CDH23: variants seen among roughly 807,000 people sequenced by gnomAD.
CDH23 encodes cadherin-23.
A neutral mutation model predicts 317.1 loss-of-function variants in CDH23; 189 were observed. The observed-to-expected ratio is 0.60, with a 90% confidence interval of 0.53 to 0.67. The LOEUF is 0.67. CDH23 is among the 30% of genes least tolerant of loss of function. The probability of loss-of-function intolerance (pLI) is 0.00; values close to 1 mark genes in which losing one functional copy is unlikely to be tolerated. For synonymous variants in CDH23, 1,839 were observed against 1,876.8 expected (o/e 0.98, Z 0.52); for missense variants, 4,401 against 4,592.4 (o/e 0.96, Z 1.20).
chr10:71,679,321 G>T, intron 16 of CDH23, 66 bp from the exon 17 acceptor site: 14 of 763,674 alleles, frequency 1.8e-5, no homozygotes, highest in Non-Finnish European at 2.9e-5. Context: ...CCTCCCAGCT[G>T]CCCACCCTCT....
chr10:71,635,519 G>T (rs1862225719), intron 11 of CDH23, among the ~76,000 whole-genome samples: 1 of 152,172 alleles, frequency 6.6e-6, no homozygotes, highest in African/African-American at 2.4e-5. Context: ...TGAAGGCGAG[G>T]CAGCCTCGGA....
At chr10:71,634,280 A>C (rs1403936202) in intron 11 of CDH23, among the ~76,000 whole-genome samples, 4 of 152,246 alleles carry the variant, frequency 2.6e-5, no homozygotes, top group Non-Finnish European at 5.9e-5. Flanking sequence ...GGGGCAGGAC[A>C]GTCCTGGGCT....
rs56013867 is a variant in CDH23 at position 71,798,376 on chromosome 10, G to A, written c.6852G>A (p.Leu2284=). 1.2e-6 allele frequency: 2 copies of A among 1,613,850 alleles called. No individual in the cohort carries two copies. Among genetic ancestry groups the A allele is most frequent in the South Asian group, 1.1e-5 (1 of 91,082 alleles). The change falls in exon 50 of 70, where the codon CTG becomes CTA. Residue 2284 remains leucine, a synonymous_variant. Transcript: ENST00000224721. Reference sequence around the variant, plus strand: ...CAGCCAAGCTGACTGTCAACGTCCTGGACGTCAATGACAATACGCCCCAGT... The same window carrying A: ...CAGCCAAGCTGACTGTCAACGTCCTAGACGTCAATGACAATACGCCCCAGT... ...VPNAKLTVNV[L]DVNDNTPQFK...
intron 3 of CDH23, among the ~76,000 whole-genome samples, chr10:71,494,730 C>T (rs1852861739): frequency 6.6e-6 from 1 of 152,184 alleles, no homozygotes; most frequent in African/African-American, 2.4e-5. Flanking sequence ...AGGACCTAAG[C>T]GTGAGTGCCT....
chr10:71,683,362 C>G (rs1864735316), intron 18 of CDH23, among the ~76,000 whole-genome samples: 1 of 152,242 alleles, frequency 6.6e-6, no homozygotes. Context: ...TGTGATTTCA[C>G]ATAAGCTCAG....
chr10:71,448,441 C>T lies in CDH23; in HGVS notation c.145+2046C>T, dbSNP rs1850276221. Reference sequence around the variant, plus strand: ...TGCCATGGGGATTGATCCCTGACTCCAGGGTGCCATAGGATTGAGAGGGGG... The same window carrying T: ...TGCCATGGGGATTGATCCCTGACTCTAGGGTGCCATAGGATTGAGAGGGGG... On this transcript the variant is annotated intron_variant, in intron 3 of 69. Coordinates refer to ENST00000224721, the MANE Select transcript of CDH23 (RefSeq NM_022124.6). Among the ~76,000 whole-genome samples, 3 of 152,202 alleles carry T rather than the reference C, an allele frequency of 2.0e-5. No homozygotes were observed. In the South Asian group the frequency reaches 6.2e-4, roughly 31 times the overall value.
intron 3 of CDH23, among the ~76,000 whole-genome samples, chr10:71,487,908 C>T (rs1297602212): frequency 6.6e-6 from 1 of 152,254 alleles, no homozygotes; most frequent in Non-Finnish European, 1.5e-5. Context: ...CTTATTAATG[C>T]TCTTTATGAC....
chr10:71,457,661 C>G (rs1850762716), intron 3 of CDH23, among the ~76,000 whole-genome samples: 2 of 152,248 alleles, frequency 1.3e-5, no homozygotes, highest in African/African-American at 4.8e-5. Flanking sequence ...GGGCCGGTGC[C>G]TGAGTCCCAG....
At chr10:71,465,462 G>A (rs1851202442) in intron 3 of CDH23, among the ~76,000 whole-genome samples, 1 of 152,222 alleles carries the variant, frequency 6.6e-6, no homozygotes, top group Non-Finnish European at 1.5e-5. Context: ...ACCTCCCCAG[G>A]GTCGAGAGAC....
Position 71,732,063 on chromosome 10 carries a change from T to C in CDH23, c.3792T>C (p.Leu1264=). 6.2e-7 allele frequency: 1 copy of C among 1,613,980 alleles called. No individual in the cohort carries two copies. The highest frequency in any genetic ancestry group is 8.5e-7 in the Non-Finnish European group (1 of 1,179,880). The part of the protein sequence containing the change: ...GKFEIDESTG[L]IITVNYLDYE... Reference sequence around the variant, plus strand: ...TTGAGATTGACGAGAGCACAGGGCTTATCATCACCGTGAATTACCTGGACT... The same window carrying C: ...TTGAGATTGACGAGAGCACAGGGCTCATCATCACCGTGAATTACCTGGACT... The change falls in exon 32 of 70, where the codon CTT becomes CTC. Residue 1264 remains leucine, a synonymous_variant. Transcript: ENST00000224721.
In CDH23 at chr10:71,730,514, A is replaced by G. The variant is rs41281314; in HGVS notation, c.3625A>G (p.Thr1209Ala). 8.0e-3 allele frequency: 12,910 copies of G among 1,613,916 alleles called. 906 individuals carry two copies. In the African/African-American group the frequency reaches 0.15, roughly 18 times the overall value. ...EDINDEAPVF[T>A]QQQYSRLGLR... is the part of the protein sequence containing the mutation. ...CATCAACGATGAGGCCCCCGTGTTCACACAGCAGCAGTACAGCCGTCTGGG... is the reference window on the plus strand; with the variant it reads ...CATCAACGATGAGGCCCCCGTGTTCGCACAGCAGCAGTACAGCCGTCTGGG... The change falls in exon 31 of 70, where the codon ACA becomes GCA. Residue 1209 changes from threonine (T) to alanine (A), a missense_variant. Transcript: ENST00000224721.
At chr10:71,486,144 A>G (rs1852335441) in intron 3 of CDH23, among the ~76,000 whole-genome samples, 1 of 152,214 alleles carries the variant, frequency 6.6e-6, no homozygotes, top group Admixed American at 6.5e-5. Flanking sequence ...CTGCGAAGAC[A>G]TTATTAAACA....
chr10:71,543,703 T>C (rs1318854839), intron 6 of CDH23, among the ~76,000 whole-genome samples: 1 of 152,256 alleles, frequency 6.6e-6, no homozygotes, highest in Non-Finnish European at 1.5e-5. Context: ...AGATGGGCAC[T>C]GTGATTACCT....
At chr10:71,706,859 A>G in intron 25 of CDH23, 38 bp from the exon 26 acceptor site, 1 of 1,557,050 alleles carries the variant, frequency 6.4e-7, no homozygotes, top group Non-Finnish European at 8.7e-7. Context: ...TCTGCGGCAG[A>G]AGCCAGGCCT....
chr10:71,597,366 A>C (rs74860742), intron 9 of CDH23, among the ~76,000 whole-genome samples: 362 of 152,238 alleles, frequency 2.4e-3, no homozygotes, highest in African/African-American at 8.4e-3. Flanking sequence ...AAGATGAGAA[A>C]GCAGAGGCCC....
At chr10:71,447,151 A>G (rs1231943293) in intron 3 of CDH23, among the ~76,000 whole-genome samples, 1 of 152,160 alleles carries the variant, frequency 6.6e-6, no homozygotes, top group Non-Finnish European at 1.5e-5. Context: ...TGCCATCTCT[A>G]CATGTGCAAA....
intron 52 of CDH23, among the ~76,000 whole-genome samples, chr10:71,800,221 C>CT (rs1841519108): frequency 6.6e-6 from 1 of 152,202 alleles, no homozygotes; most frequent in Admixed American, 6.5e-5. Context: ...CAGGCAGGGC[C>CT]TTCCCCAGTT....
intron 3 of CDH23, among the ~76,000 whole-genome samples, chr10:71,448,851 G>A (rs947893772): frequency 6.6e-6 from 1 of 152,152 alleles, no homozygotes; most frequent in African/African-American, 2.4e-5. Flanking sequence ...ACATGGACGT[G>A]TGGGCTCCAT....
chr10:71,494,311 T>C (rs1273334681), intron 3 of CDH23, among the ~76,000 whole-genome samples: 1 of 152,202 alleles, frequency 6.6e-6, no homozygotes, highest in Non-Finnish European at 1.5e-5. Context: ...GGGGCTAATT[T>C]CCTGCTTTTT....
Sources: gnomAD v4.1 joint callset for allele counts (sites outside exome capture counted in the v4.1 genomes callset) on GRCh38, gnomAD v4.1.1 for gene constraint, MANE v1.5 for transcripts, NCBI Gene and HGNC (gene_info 2026-07-23, HGNC 2026-07-21) for gene names.